Variants in CDK5RAP1 observed in about 807,000 individuals in gnomAD.
CDK5RAP1 encodes the protein CDK5RAP1 mitochondrial tRNA methylthiotransferase.
A neutral mutation model predicts 64.5 loss-of-function variants in CDK5RAP1; 62 were observed. The ratio of observed to expected loss-of-function variants is 0.96; its 90% CI spans 0.78 to 1.19. The LOEUF (loss-of-function observed/expected upper bound fraction) is 1.19, where lower values mean the gene tolerates loss of function less well. Ranked by LOEUF, CDK5RAP1 falls within the 50% of genes most tolerant of loss-of-function variation. The probability of loss-of-function intolerance (pLI) is 0.00; values close to 1 mark genes in which losing one functional copy is unlikely to be tolerated. For missense variants in CDK5RAP1, 657 were observed against 735.0 expected (o/e 0.89, Z 1.23); for synonymous variants, 250 against 261.9 (o/e 0.95, Z 0.44).
chr20:33,401,375 A>G, intron 1 of CDK5RAP1, 53 bp downstream of exon 1: 5 of 982,744 alleles, frequency 5.1e-6, no homozygotes, highest in Non-Finnish European at 6.0e-6. Context: ...CTCCTGCCCC[A>G]GGCGCCAGTC....
At position 33,396,843 on chromosome 20, in the gene CDK5RAP1, A is replaced by T. The variant is rs546609877; in HGVS notation, c.222T>A (p.Ala74=). ...CTTCTGAAGACAGCTTCTCCTGAGG[A>T]GCTGAGGCACTTTTTAAAAAATGTT... ...TFQHFLKSAS[A]PQEKLSSEVE... Residue 74 remains alanine (A), a synonymous_variant, in exon 2 of 14, where the codon GCT becomes GCA. Transcript: ENST00000346416. 358 of 1,614,178 alleles carry T rather than the reference A, an allele frequency of 2.2e-4. 3 individuals carry two copies. In the African/African-American group the frequency reaches 4.2e-3, roughly 19 times the overall value.
intron 6 of CDK5RAP1, 47 bp from the exon 7 acceptor site, chr20:33,385,817 G>C: frequency 6.4e-7 from 1 of 1,571,278 alleles, no homozygotes; most frequent in Middle Eastern, 1.7e-4. Context: ...AGGGTGTGCT[G>C]GTATGACCCA....
At chr20:33,381,029 T>C (rs1455991070) in intron 7 of CDK5RAP1, among the ~76,000 whole-genome samples, 1 of 152,186 alleles carries the variant, frequency 6.6e-6, no homozygotes, top group East Asian at 1.9e-4. Context: ...TTATAAAGTT[T>C]CACAAATAAT....
At chr20:33,393,372 T>A (rs946341828) in intron 4 of CDK5RAP1, among the ~76,000 whole-genome samples, 4 of 152,018 alleles carry the variant, frequency 2.6e-5, no homozygotes, top group Non-Finnish European at 5.9e-5. Context: ...ACTAGCATTT[T>A]TTGCCAGATG....
At chr20:33,379,807 G>A (rs1986513204) in intron 7 of CDK5RAP1, 116 bp from the exon 8 acceptor site, 1 of 759,130 alleles carries the variant, frequency 1.3e-6, no homozygotes, top group Non-Finnish European at 2.1e-6. Context: ...AAGAAAAATC[G>A]AACCTACCAA....
intron 4 of CDK5RAP1, among the ~76,000 whole-genome samples, chr20:33,392,710 C>A (rs1052398299): frequency 6.6e-6 from 1 of 151,974 alleles, no homozygotes; most frequent in Non-Finnish European, 1.5e-5. Flanking sequence ...ATCTTCAAAT[C>A]CTGAAAAGCC....
chr20:33,368,607 T>C (rs1267027704), intron 11 of CDK5RAP1, among the ~76,000 whole-genome samples: 1 of 151,754 alleles, frequency 6.6e-6, no homozygotes, highest in African/African-American at 2.4e-5. Flanking sequence ...GCACAGTGGC[T>C]CATGCCTGTA....
At chr20:33,385,605 T>C in intron 7 of CDK5RAP1, 45 bp downstream of exon 7, 1 of 1,607,238 alleles carries the variant, frequency 6.2e-7, no homozygotes, top group Admixed American at 1.7e-5. Context: ...ATCCTCATCC[T>C]CCCCCAAACA....
intron 7 of CDK5RAP1, among the ~76,000 whole-genome samples, chr20:33,381,071 G>C (rs1986697011): frequency 6.6e-6 from 1 of 152,044 alleles, no homozygotes; most frequent in Non-Finnish European, 1.5e-5. Flanking sequence ...TTGTAACTTT[G>C]ACATAATTTA....
At chr20:33,389,157 G>A (rs1987920548) in intron 5 of CDK5RAP1, among the ~76,000 whole-genome samples, 1 of 151,848 alleles carries the variant, frequency 6.6e-6, no homozygotes. Context: ...CTTCCCGGCC[G>A]CCATCCCGTC....
At chr20:33,385,606 C>T (rs371613233) in intron 7 of CDK5RAP1, 44 bp downstream of exon 7, 102 of 1,608,486 alleles carry the variant, frequency 6.3e-5, no homozygotes, top group Admixed American at 8.4e-5. Flanking sequence ...TCCTCATCCT[C>T]CCCCAAACAT....
At chr20:33,375,230 C>T (rs1243662885) in intron 8 of CDK5RAP1, among the ~76,000 whole-genome samples, 2 of 151,192 alleles carry the variant, frequency 1.3e-5, no homozygotes, top group Admixed American at 6.6e-5. Context: ...GGTAAAACCC[C>T]GTCTCTACTA....
intron 5 of CDK5RAP1, among the ~76,000 whole-genome samples, chr20:33,391,124 C>T (rs1221145715): frequency 6.6e-6 from 1 of 151,922 alleles, no homozygotes; most frequent in Non-Finnish European, 1.5e-5. Flanking sequence ...TGTGGTGGTA[C>T]ACACCTGTAG....
chr20:33,370,343 A>T (rs555202983), intron 11 of CDK5RAP1, among the ~76,000 whole-genome samples, 156 bp downstream of exon 11: 3 of 152,172 alleles, frequency 2.0e-5, no homozygotes, highest in Non-Finnish European at 4.4e-5. Flanking sequence ...CAGAGTAGAC[A>T]GAGTGTACTA....
intron 3 of CDK5RAP1, among the ~76,000 whole-genome samples, chr20:33,394,290 T>C (rs1050327790): frequency 2.0e-5 from 3 of 151,726 alleles, no homozygotes; most frequent in African/African-American, 7.3e-5. Context: ...AGCCTGGGAT[T>C]ACAGGTGCCC....
At chr20:33,395,891 G>T (rs1400585280) in intron 2 of CDK5RAP1, among the ~76,000 whole-genome samples, 1 of 152,110 alleles carries the variant, frequency 6.6e-6, no homozygotes, top group Admixed American at 6.6e-5. Context: ...GCGTGCACCT[G>T]TAATCCCAGC....
intron 10 of CDK5RAP1, 56 bp from the exon 11 acceptor site, chr20:33,370,685 G>A: frequency 6.3e-7 from 1 of 1,597,896 alleles, no homozygotes; most frequent in Admixed American, 1.7e-5. Flanking sequence ...CTTCAAGGGA[G>A]GCCTTCAGCA....
chr20:33,359,294 T>C, intron 13 of CDK5RAP1, 171 bp from the exon 14 acceptor site: 1 of 597,386 alleles, frequency 1.7e-6, no homozygotes, highest in Non-Finnish European at 3.0e-6. Flanking sequence ...CGAGGTCTCA[T>C]GGAATGGCAA....
chr20:33,389,221 T>C (rs291703), intron 5 of CDK5RAP1, among the ~76,000 whole-genome samples: 92,431 of 146,232 alleles, frequency 0.63, 29,550 homozygotes, highest in South Asian at 0.7. Flanking sequence ...ATGTGGGGAG[T>C]GCCTCTGCCC....
Sources: allele counts gnomAD v4.1 joint callset (sites outside exome capture counted in the v4.1 genomes callset), GRCh38; gene constraint gnomAD v4.1.1; transcripts MANE v1.5; gene names NCBI Gene and HGNC (gene_info 2026-07-23, HGNC 2026-07-21).